Variants in GLE1 observed in about 807,000 individuals in gnomAD.
The protein encoded by GLE1 is mRNA export factor GLE1.
In GLE1, 78 loss-of-function variants were observed where a neutral mutation model predicts 97.3. That is an observed-to-expected ratio of 0.80 (90% confidence interval 0.67 to 0.97). The LOEUF is 0.97. Ranked by LOEUF, GLE1 falls within the 50% of genes least tolerant of loss-of-function variation. GLE1 has a pLI of 0.00. For missense variants in GLE1, 753 were observed against 857.5 expected (o/e 0.88, Z 1.52); for synonymous variants, 302 against 313.4 (o/e 0.96, Z 0.39).
At chr9:128,515,772 A>G (rs1282536119) in intron 3 of GLE1, 133 bp downstream of exon 3, 2 of 697,658 alleles carry the variant, frequency 2.9e-6, no homozygotes, top group Non-Finnish European at 5.2e-6. Flanking sequence ...GGGTAGTGTA[A>G]TAGAGGTCAG....
At chr9:128,520,613 C>T (rs1847126444) in intron 3 of GLE1, among the ~76,000 whole-genome samples, 1 of 151,834 alleles carries the variant, frequency 6.6e-6, no homozygotes, top group Non-Finnish European at 1.5e-5. Flanking sequence ...CGTGGCATTT[C>T]CCAGTCTTGA....
chr9:128,527,936 C>T (rs1451773971), intron 9 of GLE1, among the ~76,000 whole-genome samples: 2 of 151,440 alleles, frequency 1.3e-5, no homozygotes, highest in Non-Finnish European at 2.9e-5. Flanking sequence ...TTCACTCCAG[C>T]CTGGGTGACA....
intron 2 of GLE1, among the ~76,000 whole-genome samples, 198 bp from the exon 3 acceptor site, chr9:128,515,331 T>C (rs11999181): frequency 6.6e-6 from 1 of 151,922 alleles, no homozygotes; most frequent in African/African-American, 2.4e-5. Flanking sequence ...AAACATCAAT[T>C]TATTAAAGAA....
chr9:128,531,584 C>A (rs1468563206), intron 9 of GLE1, among the ~76,000 whole-genome samples: 1 of 150,004 alleles, frequency 6.7e-6, no homozygotes, highest in African/African-American at 2.5e-5. Flanking sequence ...GTAATCCCAG[C>A]ATTTTGAGAG....
intron 4 of GLE1, 139 bp downstream of exon 4, chr9:128,522,955 C>A: frequency 9.2e-7 from 1 of 1,085,732 alleles, no homozygotes; most frequent in Non-Finnish European, 1.4e-6. Context: ...AATTTTATAA[C>A]CTGGAAAAAA....
intron 11 of GLE1, among the ~76,000 whole-genome samples, chr9:128,534,545 TC>T (rs1205725342): frequency 1.3e-5 from 2 of 152,080 alleles, no homozygotes; most frequent in Non-Finnish European, 2.9e-5. Flanking sequence ...AATCATTTAG[TC>T]TTTTTGAGCA....
At chr9:128,533,252 C>T (rs558117903) in intron 9 of GLE1, among the ~76,000 whole-genome samples, 4 of 150,392 alleles carry the variant, frequency 2.7e-5, no homozygotes, top group African/African-American at 9.8e-5. Context: ...GGTGAAATCC[C>T]ATCTCTACAA....
chr9:128,518,120 A>G (rs1273732743), intron 3 of GLE1, among the ~76,000 whole-genome samples: 9 of 151,018 alleles, frequency 6.0e-5, no homozygotes, highest in Admixed American at 5.9e-4. Flanking sequence ...TGGACAGTTT[A>G]TTCATTTTCT....
chr9:128,539,131 G>T (rs533827069), intron 13 of GLE1, among the ~76,000 whole-genome samples: 2 of 152,248 alleles, frequency 1.3e-5, no homozygotes, highest in African/African-American at 4.8e-5. Flanking sequence ...TACTGAGGAG[G>T]CTGAGGTTGG....
chr9:128,524,787 G>A (rs1847255444), intron 6 of GLE1, among the ~76,000 whole-genome samples: 1 of 151,868 alleles, frequency 6.6e-6, no homozygotes, highest in Non-Finnish European at 1.5e-5. Context: ...AGCTACTTGG[G>A]AAGCTGAGGC....
At position 128,525,380 on chromosome 9, in the gene GLE1, GC is replaced by G; in HGVS notation, c.1091del (p.Pro364GlnfsTer17). 6.2e-7 allele frequency: 1 copy of G among 1,611,752 alleles called. No individual in the cohort carries two copies. The highest frequency in any genetic ancestry group is 8.5e-7 in the Non-Finnish European group (1 of 1,178,994). On this transcript the variant is annotated frameshift_variant, in exon 7 of 16. Transcript: ENST00000309971. LOFTEE classifies it high-confidence loss of function. Reference protein sequence around the residue: ...MQQGPEAHKEPPAPSQGPGGK... With the variant: ...MQQGPEAHKEXPAPSQGPGGK... ...AGCAGGGACCAGAGGCCCACAAAGAGCCCCCAGCTCCCAGCCAGGGCCCAGG... is the reference window on the plus strand; with the variant it reads ...AGCAGGGACCAGAGGCCCACAAAGAGCCCCAGCTCCCAGCCAGGGCCCAGG...
Position 128,533,509 on chromosome 9 carries a change from T to C in GLE1, c.1313-4T>C. 6.2e-7 allele frequency: 1 copy of C among 1,601,288 alleles called. No homozygotes were observed. Among genetic ancestry groups the C allele is most frequent in the Non-Finnish European group, 8.5e-7 (1 of 1,170,868 alleles). On this transcript the variant is annotated splice_region_variant and splice_polypyrimidine_tract_variant and intron_variant, in intron 9 of 15. Coordinates refer to ENST00000309971, the MANE Select transcript of GLE1 (RefSeq NM_001003722.2). The stretch of plus-strand genomic sequence containing the variant: ...ATCTTTTAATTTCTCTCTATCATGC[T>C]CAGGCTCAAAACTGAAGGAGATCTT...
chr9:128,511,637 C>T (rs1846827206), intron 2 of GLE1, among the ~76,000 whole-genome samples: 1 of 149,160 alleles, frequency 6.7e-6, no homozygotes. Context: ...ACGCGGGAGG[C>T]AGAGCTTGCA....
At chr9:128,538,546 C>T (rs948404598) in intron 13 of GLE1, among the ~76,000 whole-genome samples, 2 of 152,134 alleles carry the variant, frequency 1.3e-5, no homozygotes, top group Non-Finnish European at 2.9e-5. Flanking sequence ...CCTGTAATCC[C>T]AGCACTTTGG....
chr9:128,532,138 GGA>G (rs1847532229), intron 9 of GLE1, among the ~76,000 whole-genome samples: 1 of 149,458 alleles, frequency 6.7e-6, no homozygotes, highest in Non-Finnish European at 1.5e-5. Context: ...TTTCTCAACT[GGA>G]GATGCTGTAT....
intron 3 of GLE1, among the ~76,000 whole-genome samples, chr9:128,520,266 A>G (rs1276054355): frequency 6.6e-6 from 1 of 150,546 alleles, no homozygotes; most frequent in Admixed American, 6.7e-5. Context: ...ATATATATAT[A>G]TATGTATATA....
intron 9 of GLE1, chr9:128,528,780 A>C (rs1847388971): frequency 6.6e-6 from 1 of 152,232 alleles, no homozygotes; most frequent in Admixed American, 6.5e-5. Context: ...CGCCTTGTTC[A>C]TCCTCCAGGA....
In GLE1 at chr9:128,536,459, G is replaced by T; in HGVS notation, c.1751G>T (p.Arg584Leu). Reference sequence around the variant, plus strand: ...CTCTACGCTGCTATCATCCAGCTCCGGTGGCCATATGGAAACCGACAGGAG... The same window carrying T: ...CTCTACGCTGCTATCATCCAGCTCCTGTGGCCATATGGAAACCGACAGGAG... ...IRLYAAIIQL[R>L]WPYGNRQEIH... Residue 584 changes from arginine (R) to leucine (L), a missense_variant, in exon 12 of 16, where the codon CGG (arginine) becomes CTG (leucine). Coordinates refer to ENST00000309971, the MANE Select transcript of GLE1 (RefSeq NM_001003722.2). The T allele has an allele frequency of 6.2e-7, 1 of 1,613,950 alleles. No individual in the cohort carries two copies. The highest frequency in any genetic ancestry group is 8.5e-7 in the Non-Finnish European group (1 of 1,179,862).
intron 2 of GLE1, among the ~76,000 whole-genome samples, chr9:128,510,429 A>G (rs936905019): frequency 6.6e-6 from 1 of 151,072 alleles, no homozygotes; most frequent in East Asian, 1.9e-4. Context: ...GTGTTTCACC[A>G]TATTGGCCTG....
Sources: gnomAD v4.1 joint callset for allele counts (sites outside exome capture counted in the v4.1 genomes callset) on GRCh38, gnomAD v4.1.1 for gene constraint, MANE v1.5 for transcripts, NCBI Gene and HGNC (gene_info 2026-07-23, HGNC 2026-07-21) for gene names.